Variants in CEP128 observed in about 807,000 individuals in gnomAD.
CEP128 encodes the protein centrosomal protein 128kDa.
In CEP128, 132 loss-of-function variants were observed where a neutral mutation model predicts 156.7. The observed-to-expected ratio is 0.84, with a 90% CI of 0.73 to 0.97. CEP128 has a LOEUF of 0.97. Ranked by LOEUF, CEP128 falls within the 50% of genes least tolerant of loss-of-function variation. CEP128 has a pLI of 0.00. For synonymous variants in CEP128, 469 were observed against 448.9 expected, an observed-to-expected ratio of 1.04 and a Z score of -0.57; for missense variants, 1,252 against 1,281.9, an observed-to-expected ratio of 0.98 and a Z score of 0.36.
At chr14:80,937,137 G>A (rs1386085282) in intron 2 of CEP128, among the ~76,000 whole-genome samples, 5 of 152,160 alleles carry the variant, frequency 3.3e-5, no homozygotes, top group Non-Finnish European at 7.4e-5. Context: ...GGGCAACACA[G>A]TGAGACCTTG....
At chr14:80,643,923 G>A (rs1440577119) in intron 19 of CEP128, among the ~76,000 whole-genome samples, 1 of 152,146 alleles carries the variant, frequency 6.6e-6, no homozygotes, top group Non-Finnish European at 1.5e-5. Flanking sequence ...TTTGGAGATA[G>A]CGTGAGTCAA....
At chr14:80,810,323 CA>C (rs71103883) in intron 13 of CEP128, among the ~76,000 whole-genome samples, 412 of 15,182 alleles carry the variant, frequency 0.027, 3 homozygotes, top group African/African-American at 0.077. Context: ...ACTCCATCTC[CA>C]AAAAAAAAAA....
chr14:80,803,605 A>T (rs1884003066), intron 13 of CEP128, among the ~76,000 whole-genome samples: 1 of 152,162 alleles, frequency 6.6e-6, no homozygotes, highest in Non-Finnish European at 1.5e-5. Flanking sequence ...CAGTGTGAGT[A>T]AAGGAGAGGA....
chr14:80,579,559 T>C (rs1318752645), intron 20 of CEP128, among the ~76,000 whole-genome samples: 1 of 152,178 alleles, frequency 6.6e-6, no homozygotes, highest in Non-Finnish European at 1.5e-5. Flanking sequence ...ATCTTTCATT[T>C]GCCAAAAGCA....
Position 80,608,768 on chromosome 14 carries a change from G to C in CEP128, c.2807-28345C>G, listed in dbSNP as rs569860878. On this transcript the variant is annotated intron_variant, in intron 19 of 24. Coordinates refer to ENST00000555265, the MANE Select transcript of CEP128 (RefSeq NM_152446.5). ...TCAGGATCCAGCAAAGCTTTCCCAC[G>C]TGGGGTTAGATACTGTTAGTAATTG... 2.0e-5 allele frequency among the ~76,000 whole-genome samples: 3 copies of C among 152,234 alleles called. No individual in the cohort carries two copies. The South Asian group carries it at 6.2e-4, about 32-fold the overall frequency.
At chr14:80,768,796 T>C (rs1475733855) in intron 16 of CEP128, among the ~76,000 whole-genome samples, 1 of 152,180 alleles carries the variant, frequency 6.6e-6, no homozygotes, top group Non-Finnish European at 1.5e-5. Context: ...TTTAACCACA[T>C]TTAAAGAAAT....
intron 8 of CEP128, among the ~76,000 whole-genome samples, chr14:80,881,224 G>A (rs1888538243): frequency 6.6e-6 from 1 of 151,962 alleles, no homozygotes; most frequent in Admixed American, 6.6e-5. Flanking sequence ...TAAAATCAGA[G>A]GTGAAAATGG....
At chr14:80,766,936 T>C (rs372775894) in intron 16 of CEP128, among the ~76,000 whole-genome samples, 87 of 152,234 alleles carry the variant, frequency 5.7e-4, no homozygotes, top group African/African-American at 1.9e-3. Flanking sequence ...CCTACTGACA[T>C]GCACACATCC....
intron 19 of CEP128, among the ~76,000 whole-genome samples, chr14:80,655,533 T>C (rs540590919): frequency 3.9e-5 from 6 of 152,180 alleles, no homozygotes; most frequent in Non-Finnish European, 8.8e-5. Context: ...CCTAGCATCC[T>C]CTTTAGGGGA....
intron 19 of CEP128, among the ~76,000 whole-genome samples, chr14:80,647,335 C>T (rs1391008033): frequency 6.6e-6 from 1 of 151,618 alleles, no homozygotes; most frequent in Non-Finnish European, 1.5e-5. Context: ...ACTTTCTAAT[C>T]TCATTCTCTA....
chr14:80,549,559 G>A (rs1054381875), intron 21 of CEP128, among the ~76,000 whole-genome samples: 1 of 152,216 alleles, frequency 6.6e-6, no homozygotes, highest in Non-Finnish European at 1.5e-5. Flanking sequence ...TTTGTAAAGA[G>A]ATAAAGGCAA....
At chr14:80,506,664 T>C (rs888891109) in intron 23 of CEP128, among the ~76,000 whole-genome samples, 2 of 152,214 alleles carry the variant, frequency 1.3e-5, no homozygotes, top group African/African-American at 4.8e-5. Flanking sequence ...TTAGCCATCC[T>C]TCTCTTTACC....
At chr14:80,906,466 C>T (rs938824451) in intron 4 of CEP128, among the ~76,000 whole-genome samples, 2 of 152,132 alleles carry the variant, frequency 1.3e-5, no homozygotes, top group African/African-American at 4.8e-5. Context: ...TCTAAATATT[C>T]CTTCAGAAAC....
chr14:80,806,035 C>A (rs754275908), intron 13 of CEP128, among the ~76,000 whole-genome samples: 2 of 152,114 alleles, frequency 1.3e-5, no homozygotes, highest in African/African-American at 4.8e-5. Flanking sequence ...TGGTAATAAC[C>A]ATATCCCATA....
At chr14:80,652,015 T>C (rs1894926475) in intron 19 of CEP128, among the ~76,000 whole-genome samples, 1 of 151,964 alleles carries the variant, frequency 6.6e-6, no homozygotes, top group Non-Finnish European at 1.5e-5. Context: ...CAGTGGGGTG[T>C]TAAAGTCTCC....
chr14:80,900,711 C>T (rs1403100610), intron 6 of CEP128, among the ~76,000 whole-genome samples: 2 of 152,058 alleles, frequency 1.3e-5, no homozygotes, highest in Non-Finnish European at 2.9e-5. Flanking sequence ...TAGATACCTA[C>T]GCATTAGTAA....
intron 21 of CEP128, among the ~76,000 whole-genome samples, chr14:80,546,707 A>G (rs1890000850): frequency 6.6e-6 from 1 of 152,180 alleles, no homozygotes; most frequent in African/African-American, 2.4e-5. Context: ...TGTGATAGAA[A>G]GCATAGGTAG....
intron 19 of CEP128, among the ~76,000 whole-genome samples, chr14:80,724,510 G>A (rs1220697431): frequency 6.6e-6 from 1 of 151,922 alleles, no homozygotes; most frequent in Non-Finnish European, 1.5e-5. Flanking sequence ...AAACAGAGAA[G>A]ACCAAATTTT....
rs768160408 is a variant in CEP128 at position 80,836,223 on chromosome 14, C to A, written c.1039G>T (p.Asp347Tyr). ...CTTTTACCTCTCCTAAATCTCCAGT[C>A]CTCCCCTTGTTCATCCTGATAGTTT... is the stretch of plus-strand genomic sequence containing the variant. ...QSNYQDEQGE[D>Y]WRFRRGVERE... Residue 347 changes from aspartate to tyrosine, a missense_variant, in exon 12 of 25, where the codon GAC becomes TAC. Asp to Tyr is a radical substitution (Grantham distance 160). Transcript: ENST00000555265. 4 of 1,613,868 alleles carry A rather than the reference C, an allele frequency of 2.5e-6. No homozygotes were observed. In the African/African-American group the frequency reaches 4.0e-5, roughly 16 times the overall value.
Sources: gnomAD v4.1 joint callset for allele counts (sites outside exome capture counted in the v4.1 genomes callset) on GRCh38, gnomAD v4.1.1 for gene constraint, MANE v1.5 for transcripts, NCBI Gene and HGNC (gene_info 2026-07-23, HGNC 2026-07-21) for gene names.